Variants in CEP112 observed in about 807,000 individuals in gnomAD.
CEP112 encodes centrosomal protein 112.
Under a neutral mutation model 153.0 loss-of-function variants are expected in CEP112, and 127 were observed. That is an observed-to-expected ratio of 0.83 (90% CI 0.72 to 0.96). The LOEUF is 0.96. Among genes scored for constraint, CEP112 ranks in the 40% least tolerant of loss-of-function variants. CEP112 has a pLI of 0.00. For missense variants in CEP112, 1,089 were observed against 1,101.2 expected, an observed-to-expected ratio of 0.99 and a Z score of 0.16; for synonymous variants, 358 against 374.4, an observed-to-expected ratio of 0.96 and a Z score of 0.51.
At chr17:65,918,103 C>T (rs1431928207) in intron 19 of CEP112, among the ~76,000 whole-genome samples, 1 of 150,266 alleles carries the variant, frequency 6.7e-6, no homozygotes, top group African/African-American at 2.5e-5. Flanking sequence ...TTGCTTGAAC[C>T]TGGGAGGTGG....
chr17:65,768,972 C>T (rs1448867460), intron 21 of CEP112, among the ~76,000 whole-genome samples: 1 of 151,918 alleles, frequency 6.6e-6, no homozygotes, highest in African/African-American at 2.4e-5. Flanking sequence ...GGTATTCAAG[C>T]TGGATAAAAA....
At chr17:65,658,105 T>A (rs958959755) in intron 24 of CEP112, among the ~76,000 whole-genome samples, 1 of 152,234 alleles carries the variant, frequency 6.6e-6, no homozygotes, top group African/African-American at 2.4e-5. Flanking sequence ...ATTTAATTCT[T>A]ACATACAATT....
chr17:65,963,640 T>C (rs146025834), intron 17 of CEP112, among the ~76,000 whole-genome samples: 184 of 151,866 alleles, frequency 1.2e-3, no homozygotes, highest in African/African-American at 3.5e-3. Flanking sequence ...AATATAGATA[T>C]ATAGATATCG....
At chr17:65,654,622 G>T (rs2045964485) in intron 24 of CEP112, among the ~76,000 whole-genome samples, 1 of 152,170 alleles carries the variant, frequency 6.6e-6, no homozygotes, top group Non-Finnish European at 1.5e-5. Context: ...AGAAAAAGGT[G>T]GCTTTAGCAT....
intron 6 of CEP112, among the ~76,000 whole-genome samples, chr17:66,120,336 G>C (rs1424535957): frequency 2.0e-5 from 3 of 152,004 alleles, no homozygotes; most frequent in Admixed American, 1.3e-4. Context: ...ATGTAGCTAG[G>C]ACTACAGGCA....
chr17:66,062,818 C>T (rs2066972895), intron 11 of CEP112, 145 bp downstream of exon 11: 1 of 424,356 alleles, frequency 2.4e-6, no homozygotes, highest in African/African-American at 2.1e-5. Flanking sequence ...AAAACATGAA[C>T]AGTAGCTATT....
rs575466028 is a variant in CEP112, at chr17:66,136,722, C to T, written c.471-3959G>A. ...CCAGTGTGCTACTAGCTCCAGAAGG[C>T]CCATGGTACAAGACACAGAATAAGA... is the stretch of plus-strand genomic sequence containing the variant. On this transcript the variant is annotated intron_variant, in intron 4 of 26. Transcript: ENST00000535342. Among the ~76,000 whole-genome samples the T allele has an allele frequency of 7.2e-5, 11 of 152,148 alleles. No homozygotes were observed. In the South Asian group the frequency reaches 2.3e-3, roughly 32 times the overall value.
At chr17:65,699,141 T>A (rs1256114180) in intron 23 of CEP112, among the ~76,000 whole-genome samples, 1 of 152,218 alleles carries the variant, frequency 6.6e-6, no homozygotes. Context: ...CTATTGTGAA[T>A]TTATCTAACT....
At position 66,059,079 on chromosome 17, in the gene CEP112, A is replaced by G. The variant is rs73348419; in HGVS notation, c.1074+3884T>C. 8.7e-3 allele frequency among the ~76,000 whole-genome samples: 1,318 copies of G among 152,286 alleles called. 23 individuals carry two copies. Among genetic ancestry groups the G allele is most frequent in the African/African-American group, 0.03 (1,251 of 41,558 alleles). ...GGAGAAAGGACCCCTTATCCAATAA[A>G]TGGGATGAGATAACTGGCTAGTCAT... On this transcript the variant is annotated intron_variant, in intron 11 of 26. Transcript: ENST00000535342.
chr17:66,164,661 G>C (rs967445307), intron 4 of CEP112, among the ~76,000 whole-genome samples: 4 of 150,216 alleles, frequency 2.7e-5, no homozygotes, highest in Admixed American at 1.3e-4. Flanking sequence ...TTCAAGACCA[G>C]CCTGGCCAAG....
chr17:65,991,278 A>C (rs917167841), intron 17 of CEP112, among the ~76,000 whole-genome samples: 5 of 152,198 alleles, frequency 3.3e-5, no homozygotes, highest in Admixed American at 6.5e-5. Context: ...GATTTCATAC[A>C]TGTCAAATAT....
chr17:65,663,276 AT>A (rs2046490611), intron 24 of CEP112, among the ~76,000 whole-genome samples: 1 of 152,226 alleles, frequency 6.6e-6, no homozygotes, highest in African/African-American at 2.4e-5. Flanking sequence ...GATCTTTGTC[AT>A]ATCCAGTAAT....
At chr17:65,705,021 GT>G (rs1187971588) in intron 23 of CEP112, among the ~76,000 whole-genome samples, 1 of 152,162 alleles carries the variant, frequency 6.6e-6, no homozygotes, top group Non-Finnish European at 1.5e-5. Context: ...ACGTGATGGT[GT>G]TTTTAGAGTC....
At chr17:66,150,471 T>C (rs2071158866) in intron 4 of CEP112, among the ~76,000 whole-genome samples, 1 of 152,174 alleles carries the variant, frequency 6.6e-6, no homozygotes, top group Non-Finnish European at 1.5e-5. Context: ...CCTCAAGCGA[T>C]CTGCCTGCCT....
intron 6 of CEP112, among the ~76,000 whole-genome samples, chr17:66,106,124 A>G (rs1473909646): frequency 6.6e-6 from 1 of 152,108 alleles, no homozygotes; most frequent in East Asian, 1.9e-4. Flanking sequence ...TGAAAATACA[A>G]CATACCAAAA....
At chr17:66,166,928 A>T (rs1202988243) in intron 4 of CEP112, among the ~76,000 whole-genome samples, 2 of 150,108 alleles carry the variant, frequency 1.3e-5, no homozygotes, top group African/African-American at 2.4e-5. Flanking sequence ...AAAAACACAC[A>T]GTTACTTAGG....
chr17:65,735,576 A>G (rs957830658), intron 23 of CEP112, among the ~76,000 whole-genome samples: 1 of 144,432 alleles, frequency 6.9e-6, no homozygotes, highest in Non-Finnish European at 1.6e-5. Context: ...ACCTATCGTA[A>G]AGTTGAGAAA....
chr17:65,840,538 G>A (rs1344218979), intron 21 of CEP112, among the ~76,000 whole-genome samples: 3 of 151,922 alleles, frequency 2.0e-5, no homozygotes, highest in African/African-American at 4.8e-5. Context: ...TAAGACCTGA[G>A]AGTATGAAAC....
Position 65,918,318 on chromosome 17 carries a change from T to C in CEP112, c.1980+9264A>G, listed in dbSNP as rs565264153. 6.6e-5 allele frequency among the ~76,000 whole-genome samples: 10 copies of C among 152,356 alleles called. No homozygotes were observed. In the South Asian group the frequency reaches 2.1e-3, roughly 32 times the overall value. ...CTATCTGCTTTTTAAATATCCCAAC[T>C]GACCTTCACTTAAAATTTCCTACTT... On this transcript the variant is annotated intron_variant, in intron 19 of 26. Coordinates refer to ENST00000535342, the MANE Select transcript of CEP112 (RefSeq NM_001199165.4).
Sources: allele counts gnomAD v4.1 joint callset (sites outside exome capture counted in the v4.1 genomes callset), GRCh38; gene constraint gnomAD v4.1.1; transcripts MANE v1.5; gene names NCBI Gene and HGNC (gene_info 2026-07-23, HGNC 2026-07-21).